The following ENOX1 variants were observed in gnomAD, a reference collection of about 807,000 sequenced individuals.
ENOX1 encodes the protein candidate growth-related and time keeping constitutive hydroquinone (NADH) oxidase.
In ENOX1, 42 loss-of-function variants were observed where a neutral mutation model predicts 82.5. The ratio of observed to expected loss-of-function variants is 0.51; its 90% CI spans 0.40 to 0.66. The LOEUF (loss-of-function observed/expected upper bound fraction) is 0.66, where lower values mean the gene tolerates loss of function less well. Among genes scored for constraint, ENOX1 ranks in the 30% least tolerant of loss-of-function variants. The pLI is 0.00. For synonymous variants in ENOX1, 271 were observed against 282.2 expected (o/e 0.96, Z 0.40); for missense variants, 608 against 811.6 (o/e 0.75, Z 3.05).
At chr13:43,381,199 A>G (rs748199947) in intron 5 of ENOX1, among the ~76,000 whole-genome samples, 1 of 151,850 alleles carries the variant, frequency 6.6e-6, no homozygotes, top group East Asian at 1.9e-4. Context: ...CAAATCATAT[A>G]AAGTGTATTC....
At chr13:43,412,498 T>C (rs1484438645) in intron 4 of ENOX1, among the ~76,000 whole-genome samples, 1 of 152,244 alleles carries the variant, frequency 6.6e-6, no homozygotes, top group Non-Finnish European at 1.5e-5. Context: ...TGGTCCTGAC[T>C]GAATTTATTA....
chr13:43,736,165 T>C (rs1054223792), intron 1 of ENOX1, among the ~76,000 whole-genome samples: 1 of 152,208 alleles, frequency 6.6e-6, no homozygotes, highest in Admixed American at 6.5e-5. Flanking sequence ...AGTGCATTTA[T>C]TGATCTTTTA....
At chr13:43,462,542 T>C (rs2057534237) in intron 3 of ENOX1, among the ~76,000 whole-genome samples, 1 of 152,182 alleles carries the variant, frequency 6.6e-6, no homozygotes, top group African/African-American at 2.4e-5. Flanking sequence ...ATAGGCTTAA[T>C]CAGAGATAAA....
intron 2 of ENOX1, among the ~76,000 whole-genome samples, chr13:43,584,799 C>G (rs2080903227): frequency 6.6e-6 from 1 of 152,108 alleles, no homozygotes; most frequent in African/African-American, 2.4e-5. Flanking sequence ...TCCTGCTCCC[C>G]CTGTTGATCC....
chr13:43,519,847 C>A, intron 2 of ENOX1, among the ~76,000 whole-genome samples: 1 of 152,290 alleles, frequency 6.6e-6, no homozygotes. Context: ...TCAAAGCCCT[C>A]GTCAAGTTTC....
chr13:43,513,691 G>T (rs1478949675), intron 2 of ENOX1, among the ~76,000 whole-genome samples: 1 of 151,984 alleles, frequency 6.6e-6, no homozygotes, highest in East Asian at 1.9e-4. Flanking sequence ...GACCATATCT[G>T]CATTTGTGAC....
intron 3 of ENOX1, among the ~76,000 whole-genome samples, chr13:43,447,887 T>C (rs1322419377): frequency 6.6e-6 from 1 of 152,230 alleles, no homozygotes; most frequent in Non-Finnish European, 1.5e-5. Flanking sequence ...ACATAAAGCA[T>C]CCATCTTTAA....
intron 5 of ENOX1, among the ~76,000 whole-genome samples, chr13:43,361,945 T>A (rs1236262622): frequency 5.3e-5 from 8 of 149,702 alleles, no homozygotes; most frequent in Non-Finnish European, 1.2e-4. Context: ...TAATGATGTA[T>A]TCAGGTCCCA....
intron 1 of ENOX1, among the ~76,000 whole-genome samples, chr13:43,710,275 T>C (rs1236090582): frequency 6.6e-6 from 1 of 152,148 alleles, no homozygotes; most frequent in Non-Finnish European, 1.5e-5. Flanking sequence ...CTGGATAACA[T>C]ATTTCCTAAT....
At chr13:43,772,946 CAAT>C (rs1317769389) in intron 1 of ENOX1, among the ~76,000 whole-genome samples, 2 of 152,050 alleles carry the variant, frequency 1.3e-5, no homozygotes, top group Non-Finnish European at 2.9e-5. Flanking sequence ...CTTTGTGAAA[CAAT>C]GATGTAGATC....
intron 12 of ENOX1, among the ~76,000 whole-genome samples, chr13:43,296,617 C>T (rs1294397658): frequency 6.6e-6 from 1 of 152,190 alleles, no homozygotes; most frequent in African/African-American, 2.4e-5. Flanking sequence ...GAGAAGCTCC[C>T]TTAACTGAAT....
chr13:43,668,603 T>G (rs551443369), intron 1 of ENOX1, among the ~76,000 whole-genome samples: 3 of 152,306 alleles, frequency 2.0e-5, no homozygotes, highest in Admixed American at 1.3e-4. Flanking sequence ...AGATAGACAT[T>G]ATTTGTTCCA....
At chr13:43,530,240 CA>C (rs2078152599) in intron 2 of ENOX1, among the ~76,000 whole-genome samples, 1 of 152,080 alleles carries the variant, frequency 6.6e-6, no homozygotes, top group African/African-American at 2.4e-5. Flanking sequence ...AGTATATGAT[CA>C]GAGCAGACAA....
chr13:43,557,708 G>A (rs956793062), intron 2 of ENOX1, among the ~76,000 whole-genome samples: 2 of 152,174 alleles, frequency 1.3e-5, no homozygotes, highest in Non-Finnish European at 2.9e-5. Context: ...TGAGGCAGGA[G>A]GATCATTTGA....
At chr13:43,462,884 T>TAA (rs5803178) in intron 3 of ENOX1, among the ~76,000 whole-genome samples, 4 of 151,494 alleles carry the variant, frequency 2.6e-5, no homozygotes, top group South Asian at 2.1e-4. Context: ...CTCTGGCAAT[T>TAA]AAAAAAAAAT....
chr13:43,455,712 C>G (rs1236154879), intron 3 of ENOX1, among the ~76,000 whole-genome samples: 1 of 152,066 alleles, frequency 6.6e-6, no homozygotes, highest in South Asian at 2.1e-4. Context: ...TGGGAGGGAC[C>G]CAGTGGGAGA....
In ENOX1 at chr13:43,561,305, C is replaced by T. The variant is rs1167261862; in HGVS notation, c.-218-77153G>A. ...AGCACAGCCGACAAAGCTCCCTGTA[C>T]TTGTGCAGATAGAGAGGCAGAGTAT... is the stretch of plus-strand genomic sequence containing the variant. On this transcript the variant is annotated intron_variant, in intron 2 of 16. Coordinates refer to ENST00000690772, the MANE Select transcript of ENOX1 (RefSeq NM_001347969.2). Among the ~76,000 whole-genome samples, 3 of 152,122 alleles carry T rather than the reference C, an allele frequency of 2.0e-5. No individual in the cohort carries two copies. In the East Asian group the frequency reaches 5.8e-4, roughly 29 times the overall value.
At chr13:43,218,970 C>T (rs1384381806) in intron 16 of ENOX1, among the ~76,000 whole-genome samples, 1 of 152,158 alleles carries the variant, frequency 6.6e-6, no homozygotes, top group African/African-American at 2.4e-5. Flanking sequence ...TGCCTTCCCA[C>T]CAGTACATTC....
At chr13:43,258,072 C>T (rs371351598) in intron 14 of ENOX1, among the ~76,000 whole-genome samples, 2 of 152,322 alleles carry the variant, frequency 1.3e-5, no homozygotes, top group East Asian at 3.9e-4. Context: ...AAAGGACAAA[C>T]TTCTAGCCCC....
Sources: gnomAD v4.1 joint callset for allele counts (sites outside exome capture counted in the v4.1 genomes callset) on GRCh38, gnomAD v4.1.1 for gene constraint, MANE v1.5 for transcripts, NCBI Gene and HGNC (gene_info 2026-07-23, HGNC 2026-07-21) for gene names.